The following TLN2 variants were observed in gnomAD, a reference collection of about 807,000 sequenced individuals.
TLN2 encodes the protein talin-2.
In TLN2, 118 loss-of-function variants were observed where a neutral mutation model predicts 294.7. The ratio of observed to expected loss-of-function variants is 0.40; its 90% confidence interval spans 0.34 to 0.47. TLN2 has a LOEUF of 0.47. TLN2 is among the 20% of genes least tolerant of loss of function. The probability of loss-of-function intolerance (pLI) is 0.84; values close to 1 mark genes in which losing one functional copy is unlikely to be tolerated. For synonymous variants in TLN2, 1,431 were observed against 1,304.5 expected (o/e 1.10, Z -2.09); for missense variants, 3,083 against 3,282.2 (o/e 0.94, Z 1.48).
At chr15:62,758,225 A>C (rs1241502602) in intron 37 of TLN2, among the ~76,000 whole-genome samples, 2 of 152,116 alleles carry the variant, frequency 1.3e-5, no homozygotes, top group African/African-American at 4.8e-5. Context: ...ACAGTGGCTC[A>C]TCGGCATCAG....
chr15:62,747,857 A>G (rs1050670946), intron 32 of TLN2, among the ~76,000 whole-genome samples: 1 of 152,204 alleles, frequency 6.6e-6, no homozygotes, highest in Non-Finnish European at 1.5e-5. Context: ...TTGAGCTACT[A>G]ACAAAATGAT....
At chr15:62,545,256 T>C (rs992855479) in intron 1 of TLN2, among the ~76,000 whole-genome samples, 9 of 152,150 alleles carry the variant, frequency 5.9e-5, no homozygotes, top group Non-Finnish European at 7.4e-5. Context: ...TTTTCTTTTA[T>C]TGACTGATGT....
intron 1 of TLN2, among the ~76,000 whole-genome samples, chr15:62,498,175 GA>G (rs920547251): frequency 8.2e-5 from 10 of 121,420 alleles, no homozygotes; most frequent in South Asian, 5.4e-4. Context: ...AAAAAAAAAA[GA>G]AAAAAAAGTC....
Position 62,657,775 on chromosome 15 carries a change from G to A in TLN2, c.665G>A (p.Arg222Gln), listed in dbSNP as rs1361409467. The A allele has an allele frequency of 3.7e-6, 6 of 1,609,958 alleles. No homozygotes were observed. The highest frequency in any genetic ancestry group is 1.1e-5 in the South Asian group (1 of 89,810). ...VQLNLLYVQA[R>Q]DDILNGSHPV... ...TTCCTTCCTCTTGTGTTTCAGGCAC[G>A]GGATGACATCCTGAATGGCTCTCAC... Residue 222 changes from arginine (R) to glutamine (Q), a missense_variant, in exon 9 of 59, where the codon CGG (arginine) becomes CAG (glutamine). By Grantham distance (43) the Arg-to-Gln change is conservative. Transcript: ENST00000636159.
At position 62,707,163 on chromosome 15, in the gene TLN2, A is replaced by G. The variant is rs765133371; in HGVS notation, c.2082A>G (p.Gln694=). The change falls in exon 20 of 59, where the codon CAA becomes CAG. Residue 694 remains glutamine, a synonymous_variant. Transcript: ENST00000636159. ...TACTAAAGGCAAAGAATGTTGCCCA[A>G]GTGGCCGAAGACACTGTCCTACAGA... The part of the protein sequence containing the change: ...MLVLKAKNVA[Q]VAEDTVLQNR... 2 of 1,614,256 alleles carry G rather than the reference A, an allele frequency of 1.2e-6. No individual in the cohort carries two copies. The highest frequency in any genetic ancestry group is 1.6e-4 in the Middle Eastern group (1 of 6,062).
intron 3 of TLN2, among the ~76,000 whole-genome samples, chr15:62,628,895 T>C (rs1296771558): frequency 6.6e-6 from 1 of 152,210 alleles, no homozygotes; most frequent in Non-Finnish European, 1.5e-5. Context: ...GAAAATTTGA[T>C]AGTGGTGCTG....
rs796341911 is a variant in TLN2 at position 62,796,392 on chromosome 15, T to A, written c.6050+99T>A. On this transcript the variant is annotated intron_variant, in intron 47 of 58. Coordinates refer to ENST00000636159, the MANE Select transcript of TLN2 (RefSeq NM_015059.3). The stretch of plus-strand genomic sequence containing the variant: ...CACCTGGGAGCCAGAAATGTAGTTA[T>A]CTGTTTTGATTTCAACAAGATGCAC... The A allele has an allele frequency of 2.2e-6, 3 of 1,383,424 alleles. No individual in the cohort carries two copies. The African/African-American group carries it at 4.3e-5, about 20-fold the overall frequency. The allele number at this position is 1,383,424 out of a possible 1,614,324, so 85.7% of individuals were successfully genotyped here. A position where few individuals can be genotyped will look rare whatever the true frequency, so the allele number is the denominator to read the frequency against.
intron 54 of TLN2, among the ~76,000 whole-genome samples, chr15:62,826,713 C>A (rs1003039216): frequency 5.0e-5 from 3 of 59,864 alleles, no homozygotes. Flanking sequence ...AAACTTGCAA[C>A]AACAAAAAAA....
chr15:62,784,369 C>G (rs2064456104), intron 45 of TLN2: 2 of 176,518 alleles, frequency 1.1e-5, no homozygotes, highest in African/African-American at 2.4e-5. Flanking sequence ...CCTGAATATT[C>G]TGGGTGGCTA....
intron 51 of TLN2, among the ~76,000 whole-genome samples, chr15:62,808,692 T>C (rs1241580925): frequency 1.3e-5 from 2 of 152,170 alleles, no homozygotes; most frequent in Admixed American, 6.5e-5. Context: ...TGGTGTCTCA[T>C]CAAACAGACG....
At chr15:62,796,867 G>T (rs2141132379) in intron 47 of TLN2, among the ~76,000 whole-genome samples, 1 of 152,316 alleles carries the variant, frequency 6.6e-6, no homozygotes, top group African/African-American at 2.4e-5. Context: ...TGTCCTCACA[G>T]TCACTAGCTA....
At chr15:62,691,079 C>T (rs1164658798) in intron 12 of TLN2, among the ~76,000 whole-genome samples, 3 of 149,940 alleles carry the variant, frequency 2.0e-5, no homozygotes, top group Non-Finnish European at 4.4e-5. Flanking sequence ...GGGGTATGGG[C>T]TTCTTAAGAT....
intron 1 of TLN2, among the ~76,000 whole-genome samples, chr15:62,421,611 G>C (rs1046816738): frequency 6.6e-6 from 1 of 151,922 alleles, no homozygotes; most frequent in Non-Finnish European, 1.5e-5. Flanking sequence ...ACTTATAAGT[G>C]GGGACTAAAT....
Position 62,722,361 on chromosome 15 carries a change from C to A in TLN2, c.3000C>A (p.Ser1000Arg). The A allele has an allele frequency of 1.9e-6, 3 of 1,609,098 alleles. No homozygotes were observed. The highest frequency in any genetic ancestry group is 2.6e-6 in the Non-Finnish European group (3 of 1,176,302). Residue 1000 changes from serine (S) to arginine (R), a missense_variant, in exon 26 of 59, where the codon AGC (serine) becomes AGA (arginine). Ser to Arg is a moderately radical substitution (Grantham distance 110, BLOSUM62 -1). Transcript: ENST00000636159. Reference sequence around the variant, plus strand: ...TTTTCATCTCTCTATAGCCTGGAAGCAAGATGGTGTCCTCTGCCAAAGCCG... The same window carrying A: ...TTTTCATCTCTCTATAGCCTGGAAGAAAGATGGTGTCCTCTGCCAAAGCCG... ...ISSQNFLQPGSKMVSSAKAAV... is the reference protein window; with the variant it reads ...ISSQNFLQPGRKMVSSAKAAV...
Position 62,741,748 on chromosome 15 carries a change from C to CGCGCGTGTGTGTGTGTGT in TLN2, c.4025+980_4025+981insCGCGTGTGTGTGTGTGTG. Among the ~76,000 whole-genome samples the CGCGCGTGTGTGTGTGTGT allele has an allele frequency of 2.0e-3, 268 of 131,050 alleles. 3 individuals are homozygous for CGCGCGTGTGTGTGTGTGT. The highest frequency in any genetic ancestry group is 4.8e-3 in the East Asian group (20 of 4,162). 86.0% of individuals were successfully genotyped at this position (131,050 alleles called of 152,430 possible). A position where few individuals can be genotyped will look rare whatever the true frequency, so the allele number is the denominator to read the frequency against. ...TTAACTTGGTTTTTTAAAATTTGCG[C>CGCGCGTGTGTGTGTGTGT]GTGTGTGTGTGTGTGTGTGTCTTTA... On this transcript the variant is annotated intron_variant, in intron 32 of 58. Transcript: ENST00000636159.
At chr15:62,579,314 A>T (rs751790193) in intron 1 of TLN2, among the ~76,000 whole-genome samples, 1 of 152,194 alleles carries the variant, frequency 6.6e-6, no homozygotes, top group African/African-American at 2.4e-5. Flanking sequence ...AGCATAGAAA[A>T]ATCACTTGGG....
chr15:62,716,697 A>G (rs2059795056), intron 23 of TLN2, among the ~76,000 whole-genome samples: 1 of 152,196 alleles, frequency 6.6e-6, no homozygotes, highest in Non-Finnish European at 1.5e-5. Context: ...AGGAGGAACC[A>G]GATTTTTTTT....
chr15:62,573,502 C>G (rs1209312548), intron 1 of TLN2, among the ~76,000 whole-genome samples: 1 of 152,170 alleles, frequency 6.6e-6, no homozygotes, highest in Non-Finnish European at 1.5e-5. Flanking sequence ...CTCCTTACCC[C>G]TCCTCTTCAG....
At chr15:62,776,320 C>T (rs1261839069) in intron 42 of TLN2, among the ~76,000 whole-genome samples, 2 of 152,144 alleles carry the variant, frequency 1.3e-5, no homozygotes, top group Non-Finnish European at 2.9e-5. Flanking sequence ...CATAGAGGTA[C>T]CTACATTTCT....
Sources: allele counts gnomAD v4.1 joint callset (sites outside exome capture counted in the v4.1 genomes callset), GRCh38; gene constraint gnomAD v4.1.1; transcripts MANE v1.5; gene names NCBI Gene and HGNC (gene_info 2026-07-23, HGNC 2026-07-21).